The following ADGRV1 variants were observed in gnomAD, a reference collection of about 807,000 sequenced individuals.
ADGRV1 encodes the protein G-protein coupled receptor 98.
Under a neutral mutation model 596.2 loss-of-function variants are expected in ADGRV1, and 359 were observed. The observed-to-expected ratio is 0.60, with a 90% CI of 0.55 to 0.66. The LOEUF (loss-of-function observed/expected upper bound fraction) is 0.66. ADGRV1 is among the 30% of genes least tolerant of loss of function. The probability of loss-of-function intolerance (pLI) is 0.00; values close to 1 mark genes in which losing one functional copy is unlikely to be tolerated. For missense variants in ADGRV1, 7,274 were observed against 7,575.6 expected (o/e 0.96, Z 1.48); for synonymous variants, 2,681 against 2,679.2 (o/e 1.00, Z -0.02).
In ADGRV1 at chr5:90,690,945, G is replaced by A; in HGVS notation, c.6855G>A (p.Leu2285=). ...ATGGACAGCTTGCTACTGGCGACCT[G>A]CGAGTTGTCTCAGGTAATGTGACCT... ...TINGQLATGD[L]RVVSGNVTFA... is the part of the protein sequence containing the mutation. Residue 2285 remains leucine (L), a synonymous_variant, in exon 31 of 90, where the codon CTG becomes CTA. Coordinates refer to ENST00000405460, the MANE Select transcript of ADGRV1 (RefSeq NM_032119.4). 1 of 1,613,856 alleles carries A rather than the reference G, an allele frequency of 6.2e-7. No individual in the cohort carries two copies. The highest frequency in any genetic ancestry group is 1.3e-5 in the African/African-American group (1 of 75,022).
intron 59 of ADGRV1, among the ~76,000 whole-genome samples, chr5:90,763,978 C>T (rs984475112): frequency 7.2e-5 from 11 of 152,102 alleles, no homozygotes; most frequent in Non-Finnish European, 1.3e-4. Flanking sequence ...AATAGGTTGA[C>T]TGATGTCTGA....
chr5:90,609,530 G>A (rs1443708977), intron 1 of ADGRV1, among the ~76,000 whole-genome samples: 1 of 150,312 alleles, frequency 6.7e-6, no homozygotes, highest in African/African-American at 2.4e-5. Flanking sequence ...TTTTTTTTTG[G>A]TGGTGCTTGC....
At chr5:91,027,145 AC>A (rs1464419283) in intron 85 of ADGRV1, among the ~76,000 whole-genome samples, 1 of 7,036 alleles carries the variant, frequency 1.4e-4, no homozygotes, top group African/African-American at 8.6e-4. Flanking sequence ...CAGTCTCAAA[AC>A]ACACACACAC....
intron 83 of ADGRV1, among the ~76,000 whole-genome samples, chr5:90,876,822 C>T (rs1343982155): frequency 6.6e-6 from 1 of 152,120 alleles, no homozygotes; most frequent in South Asian, 2.1e-4. Flanking sequence ...CTCATGTTTG[C>T]AGTTATTCAT....
At chr5:91,006,092 C>T (rs1291948015) in intron 85 of ADGRV1, among the ~76,000 whole-genome samples, 1 of 152,112 alleles carries the variant, frequency 6.6e-6, no homozygotes, top group Non-Finnish European at 1.5e-5. Flanking sequence ...GTCACAGAGC[C>T]ACAGGATAGA....
At chr5:91,047,965 TA>T (rs1272200725) in intron 85 of ADGRV1, among the ~76,000 whole-genome samples, 2 of 152,244 alleles carry the variant, frequency 1.3e-5, no homozygotes, top group African/African-American at 4.8e-5. Context: ...TCAAAGTAGC[TA>T]ACTTTATTTA....
chr5:90,684,975 A>G (rs1022661666), intron 28 of ADGRV1, among the ~76,000 whole-genome samples: 8 of 152,186 alleles, frequency 5.3e-5, no homozygotes, highest in South Asian at 4.1e-4. Flanking sequence ...TTCCTACTCA[A>G]TCTTGTAACT....
chr5:90,709,757 T>C (rs961425232), intron 39 of ADGRV1, among the ~76,000 whole-genome samples: 1 of 152,210 alleles, frequency 6.6e-6, no homozygotes, highest in African/African-American at 2.4e-5. Context: ...TTCCAATGAG[T>C]AGGCTGTTTA....
chr5:90,653,418 C>G lies in ADGRV1; in HGVS notation c.3844C>G (p.Gln1282Glu), dbSNP rs756850617. The G allele has an allele frequency of 6.2e-7, 1 of 1,613,924 alleles. No individual in the cohort carries two copies. The highest frequency in any genetic ancestry group is 8.5e-7 in the Non-Finnish European group (1 of 1,179,868). The change falls in exon 20 of 90, where the codon CAA (glutamine) becomes GAA (glutamate). Residue 1282 changes from glutamine to glutamate, a missense_variant. This residue lies in a region of ADGRV1 where 1,715 missense variants were observed against 1,708.8 expected (regional missense o/e 1.00). Coordinates refer to ENST00000405460, the MANE Select transcript of ADGRV1 (RefSeq NM_032119.4). ...GCAGCAGGGTGTGTTTGGTGATGTA[C>G]AACTGGGCTGGGAAATACTGTCCAG... is the stretch of plus-strand genomic sequence containing the variant. ...LRQQGVFGDVQLGWEILSSEF... is the reference protein window; with the variant it reads ...LRQQGVFGDVELGWEILSSEF...
rs1768899324 is a variant in ADGRV1 at position 90,653,250 on chromosome 5, C to A, written c.3676C>A (p.Leu1226Ile). Residue 1226 changes from leucine (L) to isoleucine (I), a missense_variant, in exon 20 of 90, where the codon CTC becomes ATC. This residue lies in a region of ADGRV1 where 1,715 missense variants were observed against 1,708.8 expected (regional missense o/e 1.00). Transcript: ENST00000405460. ...GPGGQLAETNLQVTVMVPFND... is the reference protein window; with the variant it reads ...GPGGQLAETNIQVTVMVPFND... ...TGGGGGCCAGCTAGCAGAAACCAAC[C>A]TCCAGGTGACAGTAATGGTTCCATT... 1 of 1,613,270 alleles carries A rather than the reference C, an allele frequency of 6.2e-7. No homozygotes were observed. The highest frequency in any genetic ancestry group is 1.3e-5 in the African/African-American group (1 of 75,036).
At chr5:90,657,784 A>C in intron 20 of ADGRV1, 121 bp from the exon 21 acceptor site, 1 of 1,051,132 alleles carries the variant, frequency 9.5e-7, no homozygotes. Flanking sequence ...CTAGTTATGC[A>C]AAAGTTTCAT....
intron 39 of ADGRV1, 125 bp downstream of exon 39, chr5:90,709,034 G>T: frequency 6.7e-6 from 4 of 600,160 alleles, no homozygotes; most frequent in South Asian, 5.6e-5. Flanking sequence ...AAATATGATG[G>T]GCTTTTATAT....
In ADGRV1 at chr5:90,853,485, C is replaced by T. The variant is rs989736816; in HGVS notation, c.17406C>T (p.Ser5802=). 1.2e-6 allele frequency: 2 copies of T among 1,612,524 alleles called. No individual in the cohort carries two copies. Among genetic ancestry groups the T allele is most frequent in the Non-Finnish European group, 1.7e-6 (2 of 1,179,168 alleles). Residue 5802 remains serine (S), a synonymous_variant, in exon 80 of 90, where the codon AGC becomes AGT. Coordinates refer to ENST00000405460, the MANE Select transcript of ADGRV1 (RefSeq NM_032119.4). ...TAGTCCAGTTTACAGAGTATAGCAG[C>T]CAACAGTGGTTTATAAGTGGAAACA... ...CKLVQFTEYS[S]QQWFISGNNL...
chr5:90,841,332 T>C (rs1038247366), intron 78 of ADGRV1, among the ~76,000 whole-genome samples: 7 of 152,200 alleles, frequency 4.6e-5, no homozygotes, highest in African/African-American at 1.4e-4. Flanking sequence ...CCTCAGTTTT[T>C]TTAGTCCATT....
chr5:90,728,626 A>G (rs1352398188), intron 48 of ADGRV1, 43 bp from the exon 49 acceptor site: 14 of 1,542,842 alleles, frequency 9.1e-6, no homozygotes, highest in Non-Finnish European at 1.2e-5. Context: ...CAAGTGCTAA[A>G]TTCCTAGTCA....
chr5:90,813,132 CAAA>C (rs5869522), intron 74 of ADGRV1, among the ~76,000 whole-genome samples: 1,748 of 34,574 alleles, frequency 0.051, 161 homozygotes, highest in African/African-American at 0.15. Flanking sequence ...GACTCCGTCT[CAAA>C]AAAAAAAAAA....
intron 85 of ADGRV1, among the ~76,000 whole-genome samples, chr5:90,985,865 A>G (rs1364771545): frequency 6.6e-6 from 1 of 151,972 alleles, no homozygotes; most frequent in Non-Finnish European, 1.5e-5. Context: ...AGTGTGGCAC[A>G]TTCTCTAAGC....
At chr5:90,648,402 GT>G (rs1247487900) in intron 17 of ADGRV1, among the ~76,000 whole-genome samples, 1 of 151,582 alleles carries the variant, frequency 6.6e-6, no homozygotes, top group Non-Finnish European at 1.5e-5. Flanking sequence ...AGTACAAGGA[GT>G]TTTTTTTTCC....
chr5:91,078,257 C>T (rs1315152126), intron 86 of ADGRV1, among the ~76,000 whole-genome samples: 1 of 152,022 alleles, frequency 6.6e-6, no homozygotes, highest in East Asian at 1.9e-4. Context: ...AAATGCTCAT[C>T]CCTTACATCC....
Sources: gnomAD v4.1 joint callset for allele counts (sites outside exome capture counted in the v4.1 genomes callset) on GRCh38, gnomAD v4.1.1 for gene constraint, gnomAD v4.1.1 regional missense constraint, MANE v1.5 for transcripts, NCBI Gene and HGNC (gene_info 2026-07-23, HGNC 2026-07-21) for gene names.